Variants in DLG2 observed in about 807,000 individuals in gnomAD.
The protein encoded by DLG2 is disks large homolog 2.
A neutral mutation model predicts 132.5 loss-of-function variants in DLG2; 45 were observed. The observed-to-expected ratio is 0.34, with a 90% CI of 0.27 to 0.44. The LOEUF is 0.44. Among genes scored for constraint, DLG2 ranks in the 20% least tolerant of loss-of-function variants. The pLI is 1.00. For synonymous variants in DLG2, 424 were observed against 419.6 expected (o/e 1.01, Z -0.13); for missense variants, 1,045 against 1,196.9 (o/e 0.87, Z 1.87).
At chr11:85,347,808 T>C (rs1437789556) in intron 3 of DLG2, among the ~76,000 whole-genome samples, 1 of 140,768 alleles carries the variant, frequency 7.1e-6, no homozygotes, top group East Asian at 2.0e-4. Flanking sequence ...TTTTTTTTTT[T>C]TTTTTTTTTT....
intron 6 of DLG2, among the ~76,000 whole-genome samples, chr11:84,730,719 C>A (rs529628848): frequency 4.6e-5 from 7 of 152,052 alleles, no homozygotes; most frequent in African/African-American, 1.2e-4. Flanking sequence ...TTCATCTGAA[C>A]AATAGATGGC....
chr11:84,581,742 A>G (rs1248653704), intron 6 of DLG2, among the ~76,000 whole-genome samples: 3 of 152,008 alleles, frequency 2.0e-5, no homozygotes, highest in Admixed American at 6.6e-5. Flanking sequence ...ACCCATCTGT[A>G]CTAAAAATAC....
intron 6 of DLG2, among the ~76,000 whole-genome samples, chr11:84,771,827 A>C (rs2069449248): frequency 6.6e-6 from 1 of 152,178 alleles, no homozygotes; most frequent in Non-Finnish European, 1.5e-5. Context: ...TAAATGCCTC[A>C]CGTAAAATGC....
intron 3 of DLG2, among the ~76,000 whole-genome samples, chr11:85,493,037 T>C (rs188024308): frequency 1.3e-4 from 20 of 152,152 alleles, no homozygotes; most frequent in Non-Finnish European, 2.8e-4. Context: ...TTAAAAACCA[T>C]GGTTAATAAT....
At chr11:84,261,869 G>A (rs1183061996) in intron 7 of DLG2, among the ~76,000 whole-genome samples, 1 of 152,122 alleles carries the variant, frequency 6.6e-6, no homozygotes, top group Admixed American at 6.6e-5. Context: ...GATACAATGG[G>A]TAGAAAGGGG....
chr11:84,570,741 T>C (rs1396892164), intron 6 of DLG2, among the ~76,000 whole-genome samples: 1 of 152,208 alleles, frequency 6.6e-6, no homozygotes, highest in African/African-American at 2.4e-5. Flanking sequence ...GACATCTTCC[T>C]TTCTCCCTTC....
intron 7 of DLG2, among the ~76,000 whole-genome samples, chr11:84,413,073 C>A (rs967101159): frequency 6.6e-6 from 1 of 152,204 alleles, no homozygotes; most frequent in African/African-American, 2.4e-5. Context: ...ATGCCTGACA[C>A]TGAATAATGA....
chr11:83,468,084 C>T (rs1397574102), intron 25 of DLG2, among the ~76,000 whole-genome samples: 1 of 151,942 alleles, frequency 6.6e-6, no homozygotes, highest in Non-Finnish European at 1.5e-5. Context: ...GAAATGTCCT[C>T]ATTACCCTGA....
intron 6 of DLG2, among the ~76,000 whole-genome samples, chr11:85,056,646 G>A (rs2063494429): frequency 6.6e-6 from 1 of 151,856 alleles, no homozygotes; most frequent in South Asian, 2.1e-4. Flanking sequence ...ACAGATTCAA[G>A]AAGTGCTGCA....
chr11:84,623,885 A>G (rs1029032340), intron 6 of DLG2, among the ~76,000 whole-genome samples: 8 of 152,162 alleles, frequency 5.3e-5, no homozygotes, highest in African/African-American at 1.7e-4. Context: ...CAACTATTAT[A>G]CTGTAATTCA....
At chr11:85,128,826 A>C (rs1009772501) in intron 5 of DLG2, among the ~76,000 whole-genome samples, 8 of 152,168 alleles carry the variant, frequency 5.3e-5, no homozygotes, top group Non-Finnish European at 1.0e-4. Flanking sequence ...CATTTACCTC[A>C]ATGATCATAC....
At chr11:85,053,852 A>C (rs1020524861) in intron 6 of DLG2, among the ~76,000 whole-genome samples, 12 of 151,812 alleles carry the variant, frequency 7.9e-5, no homozygotes, top group Admixed American at 5.2e-4. Context: ...CTCATGGCCT[A>C]AAGTGTAGAA....
intron 6 of DLG2, among the ~76,000 whole-genome samples, chr11:84,688,173 G>T (rs751987149): frequency 2.6e-5 from 4 of 152,096 alleles, no homozygotes; most frequent in Non-Finnish European, 5.9e-5. Flanking sequence ...AATTTGTGTT[G>T]CAAAACCTAT....
intron 3 of DLG2, among the ~76,000 whole-genome samples, chr11:85,357,235 T>A (rs938013950): frequency 5.0e-5 from 7 of 139,810 alleles, no homozygotes; most frequent in African/African-American, 1.6e-4. Context: ...TTCAATATCC[T>A]CTTTGTGTGT....
chr11:85,505,256 T>C (rs747802462), intron 3 of DLG2, among the ~76,000 whole-genome samples: 2 of 152,172 alleles, frequency 1.3e-5, no homozygotes, highest in South Asian at 4.1e-4. Flanking sequence ...TCCAACACTA[T>C]GTTGAATAGG....
intron 5 of DLG2, among the ~76,000 whole-genome samples, chr11:85,123,034 A>G (rs1300234162): frequency 8.2e-6 from 1 of 121,874 alleles, no homozygotes; most frequent in Non-Finnish European, 1.6e-5. Context: ...CTGGAGTGCC[A>G]TGGTGCGATC....
At chr11:83,966,079 C>CT (rs1434366860) in intron 12 of DLG2, among the ~76,000 whole-genome samples, 1 of 151,894 alleles carries the variant, frequency 6.6e-6, no homozygotes, top group East Asian at 1.9e-4. Flanking sequence ...TGCACTAATC[C>CT]TTTTTCTATA....
intron 2 of DLG2, among the ~76,000 whole-genome samples, chr11:85,615,896 C>T (rs1466839966): frequency 6.6e-6 from 1 of 151,776 alleles, no homozygotes; most frequent in Non-Finnish European, 1.5e-5. Flanking sequence ...ATTTCTCCTC[C>T]TTGAACCCAC....
At chr11:84,329,225 T>C (rs2098447402) in intron 7 of DLG2, among the ~76,000 whole-genome samples, 2 of 152,234 alleles carry the variant, frequency 1.3e-5, no homozygotes, top group South Asian at 4.1e-4. Flanking sequence ...TTTCACAATA[T>C]AATTATTATT....
Sources: allele counts gnomAD v4.1 joint callset (sites outside exome capture counted in the v4.1 genomes callset), GRCh38; gene constraint gnomAD v4.1.1; transcripts MANE v1.5; gene names NCBI Gene and HGNC (gene_info 2026-07-23, HGNC 2026-07-21).